TOP6BL: variants seen among roughly 807,000 people sequenced by gnomAD.
TOP6BL encodes the protein TOP6B like initiator of meiotic double strand breaks.
At chr11:66,762,217 G>A in the TOP6BL span, 20 of 624,990 alleles carry the variant, frequency 3.2e-5, no homozygotes, top group Admixed American at 3.7e-4. Context: ...GAGGTGCAGG[G>A]CCCGCGAGGC....
the TOP6BL span, among the ~76,000 whole-genome samples, chr11:66,791,061 G>A: frequency 6.6e-6 from 1 of 152,220 alleles, no homozygotes; most frequent in Non-Finnish European, 1.5e-5. Context: ...TGAAGAGAAT[G>A]AGAAGAGATA....
chr11:66,837,271 C>T, the TOP6BL span, among the ~76,000 whole-genome samples: 3 of 150,606 alleles, frequency 2.0e-5, no homozygotes, highest in Non-Finnish European at 4.4e-5. Flanking sequence ...GGACTACAGG[C>T]GCCTGCCACC....
At chr11:66,817,899 G>A in the TOP6BL span, among the ~76,000 whole-genome samples, 1 of 152,186 alleles carries the variant, frequency 6.6e-6, no homozygotes, top group South Asian at 2.1e-4. Context: ...ATGAGCAGGA[G>A]TTGACTTCTG....
At chr11:66,755,965 A>G in the TOP6BL span, among the ~76,000 whole-genome samples, 1 of 152,194 alleles carries the variant, frequency 6.6e-6, no homozygotes, top group African/African-American at 2.4e-5. Context: ...ATCTATTTCC[A>G]AATAAGGTCA....
chr11:66,832,665 T>C, the TOP6BL span, among the ~76,000 whole-genome samples: 2 of 152,264 alleles, frequency 1.3e-5, no homozygotes, highest in East Asian at 3.8e-4. Flanking sequence ...ACGTGTCCAC[T>C]GTTCCTTTCA....
At chr11:66,752,120 T>G in the TOP6BL span, among the ~76,000 whole-genome samples, 1 of 151,940 alleles carries the variant, frequency 6.6e-6, no homozygotes, top group Non-Finnish European at 1.5e-5. Context: ...TTGGATTTTG[T>G]GCTTCCTGAA....
At chr11:66,836,365 A>G in the TOP6BL span, among the ~76,000 whole-genome samples, 2 of 151,564 alleles carry the variant, frequency 1.3e-5, no homozygotes, top group Non-Finnish European at 2.9e-5. Flanking sequence ...GCCCACTACC[A>G]CGCCCGGCTA....
At chr11:66,820,148 A>C in the TOP6BL span, among the ~76,000 whole-genome samples, 1,128 of 152,278 alleles carry the variant, frequency 7.4e-3, 12 homozygotes, top group Non-Finnish European at 0.011. Context: ...CATTTTCTAT[A>C]CTGAAGAAAA....
chr11:66,748,037 G>A, the TOP6BL span, among the ~76,000 whole-genome samples: 3 of 152,002 alleles, frequency 2.0e-5, no homozygotes, highest in Non-Finnish European at 4.4e-5. Context: ...CTTTTATTTG[G>A]GGCAGGAAAA....
chr11:66,833,420 C>T, the TOP6BL span, among the ~76,000 whole-genome samples: 1 of 152,102 alleles, frequency 6.6e-6, no homozygotes, highest in Non-Finnish European at 1.5e-5. Flanking sequence ...CTCAAATAAG[C>T]TCACATTCAC....
chr11:66,827,966 GAAAAAAAAAAAAAAA>G, the TOP6BL span, among the ~76,000 whole-genome samples: 2 of 30,120 alleles, frequency 6.6e-5, no homozygotes, highest in Non-Finnish European at 1.3e-4. Flanking sequence ...CTCTGTCTCA[GAAAAAAAAAAAAAAA>G]AAAAAAAAAA....
the TOP6BL span, among the ~76,000 whole-genome samples, chr11:66,796,601 G>A: frequency 6.6e-6 from 1 of 151,876 alleles, no homozygotes; most frequent in South Asian, 2.1e-4. Context: ...GCAACATGGT[G>A]AGACTCTGTC....
the TOP6BL span, among the ~76,000 whole-genome samples, chr11:66,812,183 A>ATTTTTTTTTTTT: frequency 3.1e-5 from 3 of 95,372 alleles, no homozygotes; most frequent in Admixed American, 9.2e-5. Flanking sequence ...CTGAGTTTGC[A>ATTTTTTTTTTTT]TCTTTTTTTT....
the TOP6BL span, among the ~76,000 whole-genome samples, chr11:66,763,065 A>G: frequency 1.3e-5 from 2 of 152,202 alleles, no homozygotes; most frequent in African/African-American, 4.8e-5. Flanking sequence ...TTAGCCAGGC[A>G]TGGTGGGGCA....
the TOP6BL span, among the ~76,000 whole-genome samples, chr11:66,755,863 CT>C: frequency 1.3e-5 from 2 of 152,176 alleles, no homozygotes; most frequent in Admixed American, 1.3e-4. Flanking sequence ...CTCTGTATTT[CT>C]CTCTTTCTTC....
chr11:66,802,290 C>G, the TOP6BL span, among the ~76,000 whole-genome samples: 8 of 152,002 alleles, frequency 5.3e-5, no homozygotes, highest in Non-Finnish European at 1.0e-4. Flanking sequence ...GTAGCTGGGA[C>G]TATAGGTGCA....
the TOP6BL span, chr11:66,744,837 C>T: frequency 3.0e-6 from 4 of 1,328,578 alleles, no homozygotes; most frequent in East Asian, 9.2e-5. Context: ...GCGGCGGCGG[C>T]GGCGGCGGGC....
chr11:66,783,403 ATAAG>A, the TOP6BL span, among the ~76,000 whole-genome samples: 12 of 152,222 alleles, frequency 7.9e-5, no homozygotes, highest in African/African-American at 2.4e-4. Flanking sequence ...AGGTAGATAG[ATAAG>A]TAAGTAAAAG....
At chr11:66,838,735 A>G in the TOP6BL span, among the ~76,000 whole-genome samples, 1 of 151,850 alleles carries the variant, frequency 6.6e-6, no homozygotes, top group South Asian at 2.1e-4. Flanking sequence ...ATTTTATTTT[A>G]TTTTTATTTT....
Sources: gnomAD v4.1 joint callset for allele counts (sites outside exome capture counted in the v4.1 genomes callset) on GRCh38, gnomAD v4.1.1 for gene constraint, MANE v1.5 for transcripts, NCBI Gene and HGNC (gene_info 2026-07-23, HGNC 2026-07-21) for gene names.